PTPRM: variants seen among roughly 807,000 people sequenced by gnomAD.
The protein encoded by PTPRM is receptor-type tyrosine-protein phosphatase mu.
PTPRM carries 47 observed loss-of-function variants against 186.7 expected under a neutral mutation model. The ratio of observed to expected loss-of-function variants is 0.25; its 90% CI spans 0.20 to 0.32. PTPRM has a LOEUF of 0.32. PTPRM is among the 10% of genes least tolerant of loss of function. PTPRM has a pLI of 1.00. For missense variants in PTPRM, 1,494 were observed against 1,865.0 expected (o/e 0.80, Z 3.66); for synonymous variants, 668 against 674.9 (o/e 0.99, Z 0.16).
intron 14 of PTPRM, among the ~76,000 whole-genome samples, chr18:8,214,638 C>T (rs957689840): frequency 2.6e-5 from 4 of 151,962 alleles, no homozygotes; most frequent in Non-Finnish European, 4.4e-5. Flanking sequence ...ATTTCTAATA[C>T]GAAATTCAGA....
intron 1 of PTPRM, among the ~76,000 whole-genome samples, chr18:7,597,621 T>C (rs1332714131): frequency 6.6e-6 from 1 of 152,160 alleles, no homozygotes; most frequent in East Asian, 1.9e-4. Context: ...CGTCCCTGCT[T>C]CTCCATTCAT....
chr18:7,874,160 T>C (rs1266653286), intron 2 of PTPRM, among the ~76,000 whole-genome samples: 1 of 152,182 alleles, frequency 6.6e-6, no homozygotes, highest in Non-Finnish European at 1.5e-5. Flanking sequence ...TGTTTATTTG[T>C]ATATAAAGAA....
intron 32 of PTPRM, among the ~76,000 whole-genome samples, chr18:8,397,510 A>G (rs1475188230): frequency 6.6e-6 from 1 of 152,244 alleles, no homozygotes; most frequent in East Asian, 1.9e-4. Flanking sequence ...AGTTTCTAAT[A>G]CAAGACTAGA....
chr18:7,823,394 G>T (rs1386039463), intron 2 of PTPRM, among the ~76,000 whole-genome samples: 1 of 152,198 alleles, frequency 6.6e-6, no homozygotes, highest in Non-Finnish European at 1.5e-5. Flanking sequence ...GGACAGGGGT[G>T]CCCAGCAGGC....
chr18:8,296,547 G>T, intron 20 of PTPRM, 92 bp downstream of exon 20: 1 of 883,232 alleles, frequency 1.1e-6, no homozygotes, highest in Non-Finnish European at 1.9e-6. Context: ...GAAATTTACA[G>T]TGCAATTACC....
At chr18:7,612,617 G>A in intron 1 of PTPRM, among the ~76,000 whole-genome samples, 1 of 152,110 alleles carries the variant, frequency 6.6e-6, no homozygotes, top group Admixed American at 6.5e-5. Flanking sequence ...TTTGGACTAA[G>A]TCATAGCTCT....
chr18:8,396,164 C>T (rs2095844477), intron 32 of PTPRM, among the ~76,000 whole-genome samples: 1 of 152,230 alleles, frequency 6.6e-6, no homozygotes, highest in African/African-American at 2.4e-5. Flanking sequence ...CCATGGAATT[C>T]CCAGTGTTCC....
intron 2 of PTPRM, among the ~76,000 whole-genome samples, chr18:7,850,385 G>A (rs1051329269): frequency 6.6e-6 from 1 of 151,718 alleles, no homozygotes; most frequent in South Asian, 2.1e-4. Flanking sequence ...CAATTTGAAA[G>A]TATTGAGATC....
At chr18:7,780,271 C>A (rs2042791226) in intron 2 of PTPRM, among the ~76,000 whole-genome samples, 2 of 152,150 alleles carry the variant, frequency 1.3e-5, no homozygotes, top group African/African-American at 2.4e-5. Context: ...GTGGCATTAT[C>A]CTCATTTTAC....
At chr18:7,850,336 T>A (rs2145928606) in intron 2 of PTPRM, among the ~76,000 whole-genome samples, 1 of 152,290 alleles carries the variant, frequency 6.6e-6, no homozygotes, top group South Asian at 2.1e-4. Context: ...CCATTCTCCA[T>A]TTAGAACAAA....
intron 31 of PTPRM, 91 bp from the exon 32 acceptor site, chr18:8,394,385 C>G (rs1296456559): frequency 2.1e-6 from 3 of 1,408,926 alleles, no homozygotes; most frequent in Non-Finnish European, 2.8e-6. Context: ...GTTACTGTTC[C>G]CCAGGGTTTA....
chr18:7,970,630 T>C (rs2054457107), intron 7 of PTPRM, among the ~76,000 whole-genome samples: 1 of 93,312 alleles, frequency 1.1e-5, no homozygotes, highest in African/African-American at 5.1e-5. Flanking sequence ...ACAAAATCAA[T>C]GTACAAAAAT....
At chr18:7,886,254 C>G (rs1255624959) in intron 2 of PTPRM, among the ~76,000 whole-genome samples, 2 of 152,208 alleles carry the variant, frequency 1.3e-5, no homozygotes, top group Non-Finnish European at 2.9e-5. Flanking sequence ...ACGTCCTACT[C>G]TGGATTTATG....
chr18:7,916,429 T>C (rs2050560476), intron 4 of PTPRM, among the ~76,000 whole-genome samples: 2 of 152,166 alleles, frequency 1.3e-5, no homozygotes, highest in Admixed American at 6.6e-5. Context: ...AGTTAGTACT[T>C]ATTGTATTTT....
intron 7 of PTPRM, among the ~76,000 whole-genome samples, chr18:8,030,901 A>G (rs900527437): frequency 6.6e-6 from 1 of 152,238 alleles, no homozygotes. Flanking sequence ...ATGAGTTTCT[A>G]CGATTAATGG....
At chr18:7,578,537 G>C (rs550495363) in intron 1 of PTPRM, among the ~76,000 whole-genome samples, 2 of 151,770 alleles carry the variant, frequency 1.3e-5, no homozygotes, top group Non-Finnish European at 2.9e-5. Context: ...GGGTTTCACT[G>C]TGTTAGCCAG....
rs756195807 is a variant in PTPRM at position 8,069,952 on chromosome 18, C to T, written c.1399C>T (p.Arg467Trp). The T allele has an allele frequency of 1.4e-5, 23 of 1,613,926 alleles. No individual in the cohort carries two copies. The highest frequency in any genetic ancestry group is 2.2e-5 in the East Asian group (1 of 44,878). ...ACTGATCCTCATGAACCCAGAGGGC[C>T]GGAAGGAAAGCCAAGAACTCATAGT... ...VKLILMNPEG[R>W]KESQELIVQT... Residue 467 changes from arginine (R) to tryptophan (W), a missense_variant, in exon 8 of 33, where the codon CGG becomes TGG. Coordinates refer to ENST00000580170, the MANE Select transcript of PTPRM (RefSeq NM_001105244.2).
At chr18:8,130,609 C>T (rs1334786219) in intron 13 of PTPRM, among the ~76,000 whole-genome samples, 2 of 152,146 alleles carry the variant, frequency 1.3e-5, no homozygotes, top group Non-Finnish European at 2.9e-5. Context: ...TCTCTCCTTC[C>T]CTTAATGGTA....
chr18:7,591,555 AAG>A (rs2037126557), intron 1 of PTPRM, among the ~76,000 whole-genome samples: 1 of 152,214 alleles, frequency 6.6e-6, no homozygotes, highest in South Asian at 2.1e-4. Context: ...AATGCCATTA[AAG>A]AGAGAGAATA....
Sources: allele counts gnomAD v4.1 joint callset (sites outside exome capture counted in the v4.1 genomes callset), GRCh38; gene constraint gnomAD v4.1.1; transcripts MANE v1.5; gene names NCBI Gene and HGNC (gene_info 2026-07-23, HGNC 2026-07-21).